Variants in RUFY1 observed in about 807,000 individuals in gnomAD.
RUFY1 encodes the protein RUN and FYVE domain-containing protein 1.
In RUFY1, 54 loss-of-function variants were observed where a neutral mutation model predicts 94.6. The ratio of observed to expected loss-of-function variants is 0.57; its 90% CI spans 0.46 to 0.72. The LOEUF is 0.72. RUFY1 is among the 30% of genes least tolerant of loss of function. The pLI is 0.00. For missense variants in RUFY1, 883 were observed against 883.9 expected, an observed-to-expected ratio of 1.00 and a Z score of 0.01; for synonymous variants, 396 against 347.3, an observed-to-expected ratio of 1.14 and a Z score of -1.56.
chr5:179,609,205 T>TC (rs1767454088), intron 17 of RUFY1, among the ~76,000 whole-genome samples, 171 bp from the exon 18 acceptor site: 6 of 12,850 alleles, frequency 4.7e-4, no homozygotes. Context: ...AGACTCTATC[T>TC]CAAAAAAAAA....
intron 1 of RUFY1, among the ~76,000 whole-genome samples, chr5:179,552,204 A>G (rs1182935916): frequency 6.7e-6 from 1 of 149,302 alleles, no homozygotes; most frequent in Non-Finnish European, 1.5e-5. Context: ...CCTCGATTAC[A>G]GCGGCCACAT....
Position 179,569,383 on chromosome 5 carries a change from C to T in RUFY1, c.786C>T (p.Leu262=), listed in dbSNP as rs140249165. Residue 262 remains leucine (L), a synonymous_variant, in exon 5 of 18, where the codon CTC becomes CTT. Coordinates refer to ENST00000319449, the MANE Select transcript of RUFY1 (RefSeq NM_025158.5). ...IVGLLVGLNV[L]DANLCLKGED... ...GTCTGCTGGTGGGACTCAATGTTCTCGATGCCAATCTCTGCTTGAAAGGAG... is the reference window on the plus strand; with the variant it reads ...GTCTGCTGGTGGGACTCAATGTTCTTGATGCCAATCTCTGCTTGAAAGGAG... 508 of 1,613,488 alleles carry T rather than the reference C, an allele frequency of 3.1e-4. 6 individuals are homozygous for T. In the Middle Eastern group the frequency reaches 0.012, roughly 39 times the overall value.
At chr5:179,598,591 C>A in intron 13 of RUFY1, 101 bp from the exon 14 acceptor site, 1 of 1,362,110 alleles carries the variant, frequency 7.3e-7, no homozygotes, top group Non-Finnish European at 1.0e-6. Flanking sequence ...GCTCAAGAGG[C>A]AATTCAGAGA....
At chr5:179,580,214 T>A (rs1365731276) in intron 6 of RUFY1, among the ~76,000 whole-genome samples, 2 of 54,530 alleles carry the variant, frequency 3.7e-5, no homozygotes, top group Non-Finnish European at 8.0e-5. Flanking sequence ...TCCGTGTGTG[T>A]GTGTGTGTGT....
intron 14 of RUFY1, 116 bp downstream of exon 14, chr5:179,598,937 G>C: frequency 8.8e-7 from 1 of 1,140,590 alleles, no homozygotes; most frequent in Non-Finnish European, 1.3e-6. Flanking sequence ...CGGCTCCAGG[G>C]TGTGGGGAGG....
At chr5:179,563,596 A>G (rs1281712901) in intron 3 of RUFY1, among the ~76,000 whole-genome samples, 1 of 152,200 alleles carries the variant, frequency 6.6e-6, no homozygotes, top group Non-Finnish European at 1.5e-5. Context: ...TAAGCCCTCT[A>G]TGCAAATTCT....
chr5:179,603,998 G>T (rs1263283315), intron 15 of RUFY1, among the ~76,000 whole-genome samples: 1 of 152,074 alleles, frequency 6.6e-6, no homozygotes, highest in Non-Finnish European at 1.5e-5. Context: ...CGGAGGTTGC[G>T]GTGAGCCGAG....
intron 10 of RUFY1, 33 bp downstream of exon 10, chr5:179,591,774 A>G (rs199875147): frequency 9.6e-6 from 12 of 1,252,348 alleles, no homozygotes; most frequent in Non-Finnish European, 1.4e-5. Flanking sequence ...CTTTAGAAAG[A>G]GTTTCCCCGT....
intron 8 of RUFY1, 48 bp downstream of exon 8, chr5:179,585,913 GT>G: frequency 5.5e-6 from 8 of 1,442,010 alleles, no homozygotes; most frequent in Non-Finnish European, 7.8e-6. Flanking sequence ...ATGACCCAAG[GT>G]TAAGAGAATC....
chr5:179,552,922 C>A (rs540272631), intron 1 of RUFY1, among the ~76,000 whole-genome samples: 222 of 152,318 alleles, frequency 1.5e-3, no homozygotes, highest in Non-Finnish European at 1.7e-3. Context: ...TAAACCTGTA[C>A]AAGTATTCAT....
intron 1 of RUFY1, among the ~76,000 whole-genome samples, chr5:179,558,440 C>T (rs1467020803): frequency 6.6e-6 from 1 of 151,976 alleles, no homozygotes; most frequent in Non-Finnish European, 1.5e-5. Context: ...GGCGTGGTGG[C>T]GCATGCCTGT....
intron 1 of RUFY1, among the ~76,000 whole-genome samples, chr5:179,551,642 C>T (rs1371855265): frequency 1.3e-5 from 2 of 150,114 alleles, no homozygotes; most frequent in Non-Finnish European, 3.0e-5. Context: ...ATTACAGGTG[C>T]CCACCACCAC....
At chr5:179,569,447 A>G in intron 5 of RUFY1, 22 bp downstream of exon 5, 1 of 1,612,836 alleles carries the variant, frequency 6.2e-7, no homozygotes, top group South Asian at 1.1e-5. Context: ...TTTTGGCTCT[A>G]GATGAACACT....
At chr5:179,580,368 G>T (rs182704932) in intron 6 of RUFY1, among the ~76,000 whole-genome samples, 1,726 of 151,096 alleles carry the variant, frequency 0.011, 51 homozygotes, top group African/African-American at 0.04. Flanking sequence ...TCAGCCTCCC[G>T]AGGAGCTGGG....
intron 5 of RUFY1, chr5:179,572,591 C>A: frequency 4.4e-6 from 1 of 227,596 alleles, no homozygotes; most frequent in South Asian, 7.0e-5. Context: ...TGATTTGCCT[C>A]TGGGGTGCTC....
At chr5:179,560,755 A>T (rs1362125942) in intron 2 of RUFY1, among the ~76,000 whole-genome samples, 1 of 151,630 alleles carries the variant, frequency 6.6e-6, no homozygotes, top group Non-Finnish European at 1.5e-5. Flanking sequence ...AAAAAAGAAA[A>T]AAAAGTGTTA....
intron 3 of RUFY1, 64 bp from the exon 4 acceptor site, chr5:179,567,397 C>A: frequency 2.5e-6 from 3 of 1,178,762 alleles, no homozygotes; most frequent in Non-Finnish European, 2.5e-6. Context: ...CTGGCTAAAT[C>A]AGGTGTCTTT....
At chr5:179,553,676 G>C (rs1179546791) in intron 1 of RUFY1, among the ~76,000 whole-genome samples, 1 of 152,084 alleles carries the variant, frequency 6.6e-6, no homozygotes, top group South Asian at 2.1e-4. Context: ...TGTAATCCCA[G>C]CTACTCAGGA....
At position 179,569,392 on chromosome 5, in the gene RUFY1, T is replaced by A. The variant is rs1299507828; in HGVS notation, c.795T>A (p.Asn265Lys). 6.2e-7 allele frequency: 1 copy of A among 1,613,540 alleles called. No individual in the cohort carries two copies. The highest frequency in any genetic ancestry group is 8.5e-7 in the Non-Finnish European group (1 of 1,179,968). The stretch of plus-strand genomic sequence containing the variant: ...TGGGACTCAATGTTCTCGATGCCAA[T>A]CTCTGCTTGAAAGGAGAAGACTTGG... Reference protein sequence around the residue: ...LLVGLNVLDANLCLKGEDLDS... With the variant: ...LLVGLNVLDAKLCLKGEDLDS... Residue 265 changes from asparagine to lysine, a missense_variant, in exon 5 of 18, where the codon AAT (asparagine) becomes AAA (lysine). By Grantham distance (94) the Asn-to-Lys change is moderately conservative. Coordinates refer to ENST00000319449, the MANE Select transcript of RUFY1 (RefSeq NM_025158.5).
Sources: gnomAD v4.1 joint callset for allele counts (sites outside exome capture counted in the v4.1 genomes callset) on GRCh38, gnomAD v4.1.1 for gene constraint, MANE v1.5 for transcripts, NCBI Gene and HGNC (gene_info 2026-07-23, HGNC 2026-07-21) for gene names.